Variants in TRIM37 observed in about 807,000 individuals in gnomAD.
TRIM37 encodes tripartite motif containing 37.
TRIM37 carries 80 observed loss-of-function variants against 129.8 expected under a neutral mutation model. That is an observed-to-expected ratio of 0.62 (90% CI 0.51 to 0.74). TRIM37 has a LOEUF of 0.74. TRIM37 is among the 30% of genes least tolerant of loss of function. The pLI, the probability that TRIM37 is intolerant of heterozygous loss-of-function variation, is 0.00. For missense variants in TRIM37, 1,054 were observed against 1,176.5 expected (o/e 0.90, Z 1.52); for synonymous variants, 389 against 387.1 (o/e 1.00, Z -0.06).
chr17:59,082,838 T>G (rs1291398787), intron 5 of TRIM37, among the ~76,000 whole-genome samples: 2 of 152,346 alleles, frequency 1.3e-5, no homozygotes, highest in African/African-American at 2.4e-5. Context: ...ACATTTCTAC[T>G]GTCTCTTACA....
At chr17:58,969,869 T>C in the TRIM37 span, 1 of 793,266 alleles carries the variant, frequency 1.3e-6, no homozygotes, top group Non-Finnish European at 2.0e-6. Flanking sequence ...TATTGGATTC[T>C]GTTGTAGTTC....
At chr17:58,993,216 C>T (rs1365331412), downstream of TRIM37, among the ~76,000 whole-genome samples, 5 of 152,172 alleles carry the variant, frequency 3.3e-5, no homozygotes, top group East Asian at 1.9e-4. Context: ...TCCCCAGCCA[C>T]GTGGAACTGT....
At chr17:59,094,660 C>T (rs2044691209) in intron 2 of TRIM37, among the ~76,000 whole-genome samples, 2 of 151,526 alleles carry the variant, frequency 1.3e-5, no homozygotes. Context: ...TCAATTACTA[C>T]TGGATGTGAG....
chr17:59,042,671 C>A (rs2145933489), intron 16 of TRIM37, among the ~76,000 whole-genome samples: 1 of 150,008 alleles, frequency 6.7e-6, no homozygotes, highest in East Asian at 2.0e-4. Context: ...GCTGAGGCAG[C>A]AGAATCGGTT....
intron 18 of TRIM37, among the ~76,000 whole-genome samples, chr17:59,030,888 A>T (rs1248407091): frequency 2.0e-5 from 3 of 152,236 alleles, no homozygotes; most frequent in Non-Finnish European, 2.9e-5. Flanking sequence ...CTACAGAATC[A>T]GAACCTGTCT....
At chr17:59,025,273 T>C (rs1292944886) in intron 19 of TRIM37, among the ~76,000 whole-genome samples, 1 of 151,994 alleles carries the variant, frequency 6.6e-6, no homozygotes, top group Non-Finnish European at 1.5e-5. Flanking sequence ...GTAAAAAAGT[T>C]AGAAAACAAA....
chr17:59,005,108 T>A (rs895678483), intron 22 of TRIM37, among the ~76,000 whole-genome samples: 4 of 152,148 alleles, frequency 2.6e-5, no homozygotes, highest in Admixed American at 1.3e-4. Context: ...TAAAACACAC[T>A]GAGTTGAACT....
intron 23 of TRIM37, among the ~76,000 whole-genome samples, chr17:59,000,990 C>T (rs1384498153): frequency 2.0e-5 from 3 of 151,956 alleles, no homozygotes; most frequent in African/African-American, 2.4e-5. Flanking sequence ...GTCAAGAGTT[C>T]GAGACCAGCC....
chr17:59,026,673 A>G (rs1162662672), intron 19 of TRIM37, among the ~76,000 whole-genome samples: 1 of 152,008 alleles, frequency 6.6e-6, no homozygotes, highest in African/African-American at 2.4e-5. Context: ...TTGACCCCGC[A>G]CCTCCTCCAG....
intron 9 of TRIM37, among the ~76,000 whole-genome samples, chr17:59,065,677 C>A (rs1025168209): frequency 8.6e-5 from 13 of 151,948 alleles, no homozygotes; most frequent in African/African-American, 2.9e-4. Flanking sequence ...TACAAATTTC[C>A]CAAAACAATA....
At chr17:59,036,995 G>A (rs1449606935) in intron 17 of TRIM37, among the ~76,000 whole-genome samples, 1 of 151,754 alleles carries the variant, frequency 6.6e-6, no homozygotes, top group East Asian at 2.0e-4. Flanking sequence ...CATGCCTGTA[G>A]TCCCAACTAC....
chr17:59,012,579 G>T, intron 21 of TRIM37, 133 bp from the exon 22 acceptor site: 1 of 685,596 alleles, frequency 1.5e-6, no homozygotes, highest in Non-Finnish European at 2.6e-6. Context: ...AATTTTATCT[G>T]AAAATATTTC....
intron 12 of TRIM37, among the ~76,000 whole-genome samples, chr17:59,060,224 T>C (rs1027535720): frequency 2.8e-4 from 43 of 152,188 alleles, no homozygotes; most frequent in African/African-American, 1.0e-3. Context: ...CTCTCAAGGC[T>C]GTAAGCTGGA....
At chr17:58,973,583 A>G in the TRIM37 span, among the ~76,000 whole-genome samples, 1 of 150,304 alleles carries the variant, frequency 6.7e-6, no homozygotes, top group Non-Finnish European at 1.5e-5. Context: ...GGGAGGCTGA[A>G]GAGGGTTTGA....
intron 13 of TRIM37, among the ~76,000 whole-genome samples, chr17:59,056,290 C>T (rs573844767): frequency 6.6e-6 from 1 of 152,118 alleles, no homozygotes; most frequent in South Asian, 2.1e-4. Context: ...GCCGTCCTCC[C>T]ATCTTAGCCT....
At chr17:59,007,387 T>C (rs1331815586) in intron 22 of TRIM37, among the ~76,000 whole-genome samples, 8 of 152,096 alleles carry the variant, frequency 5.3e-5, no homozygotes, top group African/African-American at 9.7e-5. Context: ...TCGATGAATT[T>C]TGTTAAAGGC....
At chr17:58,967,341 G>A in the TRIM37 span, among the ~76,000 whole-genome samples, 1 of 152,056 alleles carries the variant, frequency 6.6e-6, no homozygotes, top group Non-Finnish European at 1.5e-5. Flanking sequence ...GAAAGGGAAT[G>A]ATAACTATGA....
exon 25 of TRIM37, chr17:58,982,690 T>A: frequency 6.2e-6 from 3 of 485,104 alleles, no homozygotes; most frequent in South Asian, 8.0e-5. Flanking sequence ...AAAATTTGGA[T>A]GTAAGTAGAG....
At chr17:59,011,591 A>C (rs937133899) in intron 22 of TRIM37, among the ~76,000 whole-genome samples, 1 of 152,218 alleles carries the variant, frequency 6.6e-6, no homozygotes, top group Non-Finnish European at 1.5e-5. Flanking sequence ...CCAATTTATA[A>C]AGGACACAGC....
Sources: gnomAD v4.1 joint callset for allele counts (sites outside exome capture counted in the v4.1 genomes callset) on GRCh38, gnomAD v4.1.1 for gene constraint, MANE v1.5 for transcripts, NCBI Gene and HGNC (gene_info 2026-07-23, HGNC 2026-07-21) for gene names.